IL1RAPL2: variants seen among roughly 807,000 people sequenced by gnomAD.
The protein encoded by IL1RAPL2 is interleukin 1 receptor accessory protein like 2.
IL1RAPL2 carries 3 observed loss-of-function variants against 44.1 expected under a neutral mutation model. The ratio of observed to expected loss-of-function variants is 0.07; its 90% CI spans 0.03 to 0.18. IL1RAPL2 has a LOEUF of 0.18. Among genes scored for constraint, IL1RAPL2 ranks in the 10% least tolerant of loss-of-function variants. IL1RAPL2 has a pLI of 1.00. For synonymous variants in IL1RAPL2, 181 were observed against 178.8 expected, an observed-to-expected ratio of 1.01 and a Z score of -0.10; for missense variants, 391 against 496.4, an observed-to-expected ratio of 0.79 and a Z score of 2.02.
At chrX:104,599,567 C>A (rs1928832371) in intron 1 of IL1RAPL2, among the ~76,000 whole-genome samples, 1 of 107,248 alleles carries the variant, frequency 9.3e-6, no homozygotes, top group Admixed American at 1.0e-4. Context: ...TTAAAGAAAC[C>A]TTCTGCATGT....
chrX:104,676,746 G>A (rs967954152), intron 2 of IL1RAPL2, among the ~76,000 whole-genome samples: 21 of 111,896 alleles, frequency 1.9e-4, no homozygotes, highest in Middle Eastern at 4.6e-3. Flanking sequence ...CCAATCAGAC[G>A]TAGATTTGGT....
intron 5 of IL1RAPL2, among the ~76,000 whole-genome samples, chrX:105,448,127 A>T (rs1476266006): frequency 1.9e-5 from 2 of 106,445 alleles, no homozygotes; most frequent in Non-Finnish European, 3.8e-5. Flanking sequence ...AAGATCCATT[A>T]TATGTTATTT....
chrX:104,676,234 G>T (rs1326513585), intron 2 of IL1RAPL2, among the ~76,000 whole-genome samples: 1 of 111,581 alleles, frequency 9.0e-6, no homozygotes, highest in Non-Finnish European at 1.9e-5. Context: ...GCAGTGGCTG[G>T]TACCAGTTGT....
At chrX:105,214,708 T>G (rs1424457675) in intron 3 of IL1RAPL2, among the ~76,000 whole-genome samples, 3 of 111,852 alleles carry the variant, frequency 2.7e-5, no homozygotes, top group African/African-American at 6.5e-5. Flanking sequence ...TACTCTAAAA[T>G]TGACCACATA....
intron 5 of IL1RAPL2, among the ~76,000 whole-genome samples, chrX:105,481,848 T>C: frequency 8.9e-6 from 1 of 111,960 alleles, no homozygotes; most frequent in African/African-American, 3.2e-5. Flanking sequence ...AGGCATATAG[T>C]GAAGATTAAA....
intron 1 of IL1RAPL2, among the ~76,000 whole-genome samples, chrX:104,578,638 C>T (rs1333582347): frequency 9.0e-6 from 1 of 111,313 alleles, no homozygotes; most frequent in Non-Finnish European, 1.9e-5. Context: ...GAAACTCTAG[C>T]ATTTCAGTTG....
chrX:104,617,381 CT>C (rs773379383), intron 1 of IL1RAPL2, among the ~76,000 whole-genome samples: 1 of 111,692 alleles, frequency 9.0e-6, no homozygotes, highest in African/African-American at 3.2e-5. Context: ...TCCAGGTGTT[CT>C]TTGGATTTCT....
intron 2 of IL1RAPL2, among the ~76,000 whole-genome samples, chrX:104,833,556 G>A (rs1392211738): frequency 8.9e-6 from 1 of 111,886 alleles, no homozygotes; most frequent in Non-Finnish European, 1.9e-5. Flanking sequence ...GGGTTAATTA[G>A]AAGCAGCTGG....
rs183703922 is a variant in IL1RAPL2 at position 105,706,381 on chromosome X, C to A, written c.773-10986C>A. On this transcript the variant is annotated intron_variant, in intron 6 of 10. Coordinates refer to ENST00000372582, the MANE Select transcript of IL1RAPL2 (RefSeq NM_017416.2). ...ACTTCCTTATTAGCTTTATCCCATA[C>A]TGGAAAATGATTGGGCATTATTTGA... Among the ~76,000 whole-genome samples the A allele has an allele frequency of 4.0e-3, 450 of 112,030 alleles. 4 individuals carry two copies. Among genetic ancestry groups the A allele is most frequent in the African/African-American group, 0.014 (418 of 30,899 alleles).
At chrX:105,507,171 G>T (rs2036436428) in intron 6 of IL1RAPL2, among the ~76,000 whole-genome samples, 1 of 111,660 alleles carries the variant, frequency 9.0e-6, no homozygotes, top group Admixed American at 9.5e-5. Flanking sequence ...GATTCATGTT[G>T]TGCCATTTTA....
At chrX:104,809,013 T>C (rs1284433132) in intron 2 of IL1RAPL2, among the ~76,000 whole-genome samples, 2 of 111,607 alleles carry the variant, frequency 1.8e-5, no homozygotes, top group African/African-American at 6.5e-5. Context: ...CAATAGATGA[T>C]ATAAATTGCC....
intron 6 of IL1RAPL2, among the ~76,000 whole-genome samples, chrX:105,568,753 T>C (rs1023160804): frequency 8.9e-6 from 1 of 112,306 alleles, no homozygotes; most frequent in Non-Finnish European, 1.9e-5. Context: ...AAGTTTCAAA[T>C]GAGGCCAGTT....
chrX:105,198,546 A>G (rs2033690605), intron 3 of IL1RAPL2, among the ~76,000 whole-genome samples: 1 of 112,536 alleles, frequency 8.9e-6, no homozygotes, highest in South Asian at 3.7e-4. Flanking sequence ...TGACTATAGT[A>G]CATTTGTTAC....
intron 2 of IL1RAPL2, among the ~76,000 whole-genome samples, chrX:105,057,730 C>G (rs1046419996): frequency 3.6e-5 from 4 of 110,353 alleles, no homozygotes; most frequent in Non-Finnish European, 7.6e-5. Flanking sequence ...GACAAATAAA[C>G]AAGGGATTAT....
chrX:104,986,967 T>C (rs1393130098), intron 2 of IL1RAPL2, among the ~76,000 whole-genome samples: 2 of 112,429 alleles, frequency 1.8e-5, no homozygotes, highest in Non-Finnish European at 3.8e-5. Flanking sequence ...AGAAATGACA[T>C]GAAATGCACA....
intron 2 of IL1RAPL2, among the ~76,000 whole-genome samples, chrX:105,076,782 C>G (rs1306961708): frequency 2.7e-5 from 3 of 111,381 alleles, no homozygotes; most frequent in East Asian, 5.7e-4. Flanking sequence ...GAATTGATCC[C>G]TTTACCATTA....
intron 2 of IL1RAPL2, among the ~76,000 whole-genome samples, chrX:104,692,473 G>A (rs750454809): frequency 9.1e-6 from 1 of 109,497 alleles, no homozygotes; most frequent in South Asian, 4.1e-4. Flanking sequence ...TTAGCATTAG[G>A]TATATCTCCT....
chrX:105,408,607 C>A (rs926701639), intron 5 of IL1RAPL2, among the ~76,000 whole-genome samples: 6 of 111,724 alleles, frequency 5.4e-5, no homozygotes, highest in African/African-American at 1.9e-4. Flanking sequence ...GAATTATTTT[C>A]TTTGCTTTGT....
chrX:105,251,919 G>C (rs1279655327), intron 4 of IL1RAPL2, among the ~76,000 whole-genome samples: 1 of 110,823 alleles, frequency 9.0e-6, no homozygotes, highest in Non-Finnish European at 1.9e-5. Flanking sequence ...CTAATTTAAG[G>C]CTGAGGTTTT....
Sources: allele counts gnomAD v4.1 joint callset (sites outside exome capture counted in the v4.1 genomes callset), GRCh38; gene constraint gnomAD v4.1.1; transcripts MANE v1.5; gene names NCBI Gene and HGNC (gene_info 2026-07-23, HGNC 2026-07-21).